RBFOX3: variants seen among roughly 807,000 people sequenced by gnomAD.
RBFOX3 encodes RNA binding protein fox-1 homolog 3.
A neutral mutation model predicts 48.7 loss-of-function variants in RBFOX3; 17 were observed. The ratio of observed to expected loss-of-function variants is 0.35; its 90% CI spans 0.24 to 0.52. The LOEUF is 0.52. Among genes scored for constraint, RBFOX3 ranks in the 20% least tolerant of loss-of-function variants. The pLI is 0.94. For synonymous variants in RBFOX3, 212 were observed against 209.5 expected (o/e 1.01, Z -0.10); for missense variants, 382 against 497.5 (o/e 0.77, Z 2.21).
chr17:79,309,416 C>T (rs369606525), intron 2 of RBFOX3, among the ~76,000 whole-genome samples: 1 of 151,722 alleles, frequency 6.6e-6, no homozygotes, highest in Non-Finnish European at 1.5e-5. Flanking sequence ...CCTGCTGCTT[C>T]TCACACCTGC....
intron 3 of RBFOX3, among the ~76,000 whole-genome samples, chr17:79,266,088 CT>C (rs2066656156): frequency 6.6e-6 from 1 of 152,210 alleles, no homozygotes; most frequent in Non-Finnish European, 1.5e-5. Context: ...CTTCCCGCCC[CT>C]CTCAGCCTTC....
At chr17:79,485,358 G>A (rs1173305126) in intron 1 of RBFOX3, among the ~76,000 whole-genome samples, 2 of 152,190 alleles carry the variant, frequency 1.3e-5, no homozygotes, top group Non-Finnish European at 2.9e-5. Context: ...CAGGGCCAGG[G>A]AACATAAACC....
intron 4 of RBFOX3, among the ~76,000 whole-genome samples, chr17:79,120,178 G>C (rs2035299073): frequency 6.6e-6 from 1 of 152,174 alleles, no homozygotes; most frequent in Non-Finnish European, 1.5e-5. Flanking sequence ...CCAGGGGACT[G>C]TACATTCTCA....
chr17:79,162,514 G>A (rs2145376648), intron 4 of RBFOX3, among the ~76,000 whole-genome samples: 1 of 152,362 alleles, frequency 6.6e-6, no homozygotes, highest in East Asian at 1.9e-4. Flanking sequence ...GCAGGCAGGA[G>A]CATAATTTTT....
At chr17:79,186,294 G>A (rs2053375740) in intron 4 of RBFOX3, among the ~76,000 whole-genome samples, 2 of 152,266 alleles carry the variant, frequency 1.3e-5, no homozygotes, top group African/African-American at 4.8e-5. Flanking sequence ...CTGAACGTGT[G>A]TGTTTGGCTT....
the RBFOX3 span, among the ~76,000 whole-genome samples, chr17:79,623,722 T>C: frequency 1.3e-5 from 2 of 151,426 alleles, no homozygotes; most frequent in Non-Finnish European, 2.9e-5. Context: ...CTTAGGAGGC[T>C]GAGGCAGGAG....
intron 4 of RBFOX3, among the ~76,000 whole-genome samples, chr17:79,154,727 C>T (rs1366743326): frequency 2.0e-5 from 3 of 152,260 alleles, no homozygotes; most frequent in African/African-American, 7.2e-5. Context: ...CTTGGAGCTG[C>T]TGGCCCCTGC....
chr17:79,159,254 A>T (rs1490476016), intron 4 of RBFOX3, among the ~76,000 whole-genome samples: 2 of 152,106 alleles, frequency 1.3e-5, no homozygotes, highest in South Asian at 2.1e-4. Flanking sequence ...CTTATGGGAG[A>T]CCAGGAGGCA....
the RBFOX3 span, among the ~76,000 whole-genome samples, chr17:79,634,736 C>T: frequency 6.6e-6 from 1 of 152,096 alleles, no homozygotes; most frequent in Non-Finnish European, 1.5e-5. Context: ...CATTTCCCAT[C>T]CTCATGTCCT....
At chr17:79,518,991 C>T (rs1009233470) in intron 1 of RBFOX3, among the ~76,000 whole-genome samples, 79 of 152,236 alleles carry the variant, frequency 5.2e-4, no homozygotes, top group Non-Finnish European at 8.5e-4. Context: ...AGCCAGCCAT[C>T]GCGGGAGACG....
At chr17:79,474,116 T>C (rs2077388193) in intron 2 of RBFOX3, among the ~76,000 whole-genome samples, 1 of 145,546 alleles carries the variant, frequency 6.9e-6, no homozygotes, top group African/African-American at 2.5e-5. Flanking sequence ...CACGTGTCAA[T>C]GCAGAAAAAA....
intron 1 of RBFOX3, among the ~76,000 whole-genome samples, chr17:79,531,858 A>C (rs1213105863): frequency 6.6e-6 from 1 of 152,098 alleles, no homozygotes; most frequent in Non-Finnish European, 1.5e-5. Context: ...ACTCACCTTC[A>C]TCTGGGATGC....
intron 2 of RBFOX3, among the ~76,000 whole-genome samples, chr17:79,322,902 T>A (rs1340783648): frequency 1.3e-5 from 2 of 152,224 alleles, no homozygotes; most frequent in Admixed American, 6.5e-5. Flanking sequence ...ACAGCTCAAT[T>A]GCAAAGCACC....
rs566489924 is a variant in RBFOX3, at chr17:79,430,917, A to T, written c.-175+51537T>A. Reference sequence around the variant, plus strand: ...ATCACTGGGCATAAAGTGAAAACAGACACGCTCAGAGCCCCATGTTCAGTT... The same window carrying T: ...ATCACTGGGCATAAAGTGAAAACAGTCACGCTCAGAGCCCCATGTTCAGTT... On this transcript the variant is annotated intron_variant, in intron 2 of 14. Coordinates refer to ENST00000693108, the MANE Select transcript of RBFOX3 (RefSeq NM_001350451.2). 2.2e-4 allele frequency among the ~76,000 whole-genome samples: 34 copies of T among 152,328 alleles called. No individual in the cohort carries two copies. In the East Asian group the frequency reaches 5.6e-3, roughly 25 times the overall value.
At chr17:79,148,423 G>C (rs1370464732) in intron 4 of RBFOX3, among the ~76,000 whole-genome samples, 4 of 152,202 alleles carry the variant, frequency 2.6e-5, no homozygotes, top group Non-Finnish European at 5.9e-5. Context: ...TTGGGGGGTG[G>C]AAGGGGCAGG....
Position 79,504,179 on chromosome 17 carries a change from C to T in RBFOX3, c.-319-21581G>A, listed in dbSNP as rs952495921. Among the ~76,000 whole-genome samples the T allele has an allele frequency of 1.5e-4, 23 of 152,348 alleles. No individual in the cohort carries two copies. In the South Asian group the frequency reaches 3.3e-3, roughly 22 times the overall value. ...TTGCCCACATGCAACCGTTCAGTCGCGTAAGCGTTTGTGACATTGGCATGT... is the reference window on the plus strand; with the variant it reads ...TTGCCCACATGCAACCGTTCAGTCGTGTAAGCGTTTGTGACATTGGCATGT... On this transcript the variant is annotated intron_variant, in intron 1 of 14. Coordinates refer to ENST00000693108, the MANE Select transcript of RBFOX3 (RefSeq NM_001350451.2).
At chr17:79,402,638 C>G (rs934393986) in intron 2 of RBFOX3, among the ~76,000 whole-genome samples, 3 of 152,186 alleles carry the variant, frequency 2.0e-5, no homozygotes, top group African/African-American at 7.2e-5. Flanking sequence ...ACGCTGAGCT[C>G]TACGACTGGC....
intron 2 of RBFOX3, among the ~76,000 whole-genome samples, chr17:79,342,918 G>C (rs2082318684): frequency 6.6e-6 from 1 of 151,930 alleles, no homozygotes; most frequent in South Asian, 2.1e-4. Context: ...GACTTTTCAA[G>C]TTTTGTTAAA....
Position 79,421,209 on chromosome 17 carries a change from C to T in RBFOX3, c.-175+61245G>A, listed in dbSNP as rs1232389432. On this transcript the variant is annotated intron_variant, in intron 2 of 14. Coordinates refer to ENST00000693108, the MANE Select transcript of RBFOX3 (RefSeq NM_001350451.2). This position sits in a 1 kb window ranked among gnomAD's most constrained non-coding sequence, Gnocchi z 4.5. ...GCCTCCATGCCCTAACCTCCGCGGC[C>T]GCTTCTCTCAGCTGGTTCCACCCTG... is the stretch of plus-strand genomic sequence containing the variant. Among the ~76,000 whole-genome samples, 2 of 152,194 alleles carry T rather than the reference C, an allele frequency of 1.3e-5. No homozygotes were observed. Among genetic ancestry groups the T allele is most frequent in the African/African-American group, 2.4e-5 (1 of 41,440 alleles).
Sources: allele counts gnomAD v4.1 joint callset (sites outside exome capture counted in the v4.1 genomes callset), GRCh38; gene constraint gnomAD v4.1.1; non-coding constraint Gnocchi (gnomAD v3.1); transcripts MANE v1.5; gene names NCBI Gene and HGNC (gene_info 2026-07-23, HGNC 2026-07-21).